The following EXD3 variants were observed in gnomAD, a reference collection of about 807,000 sequenced individuals.
The protein encoded by EXD3 is exonuclease 3'-5' domain containing 3.
In EXD3, 92 loss-of-function variants were observed where a neutral mutation model predicts 98.0. That is an observed-to-expected ratio of 0.94 (90% CI 0.79 to 1.12). The LOEUF (loss-of-function observed/expected upper bound fraction) is 1.12, where lower values mean the gene tolerates loss of function less well. EXD3 is among the 50% of genes most tolerant of loss of function. The pLI is 0.00. For missense variants in EXD3, 1,222 were observed against 1,191.6 expected, an observed-to-expected ratio of 1.03 and a Z score of -0.38; for synonymous variants, 569 against 526.0, an observed-to-expected ratio of 1.08 and a Z score of -1.12.
intron 12 of EXD3, among the ~76,000 whole-genome samples, 188 bp downstream of exon 12, chr9:137,351,878 C>T (rs1834325381): frequency 6.6e-6 from 1 of 152,228 alleles, no homozygotes; most frequent in African/African-American, 2.4e-5. Flanking sequence ...TAAATGCCAG[C>T]AGCCAGCATC....
chr9:137,373,879 G>A (rs185921156), intron 3 of EXD3, among the ~76,000 whole-genome samples: 150 of 152,370 alleles, frequency 9.8e-4, no homozygotes, highest in East Asian at 3.5e-3. Flanking sequence ...GGAGGCAACC[G>A]TAGCCCGAGC....
At chr9:137,374,907 T>G in intron 3 of EXD3, 4 of 960,706 alleles carry the variant, frequency 4.2e-6, no homozygotes, top group South Asian at 4.8e-5. Context: ...TAGTGAGATC[T>G]AGCTCTAGTG....
chr9:137,376,343 CAAAAAA>C (rs765888922), intron 3 of EXD3, among the ~76,000 whole-genome samples: 2 of 39,960 alleles, frequency 5.0e-5, no homozygotes, highest in African/African-American at 1.8e-4. Context: ...GACTCTGTCT[CAAAAAA>C]AAAAAAAAAA....
chr9:137,338,935 G>A (rs930954008), intron 17 of EXD3, among the ~76,000 whole-genome samples: 2 of 150,552 alleles, frequency 1.3e-5, no homozygotes, highest in Non-Finnish European at 3.0e-5. Context: ...ACATCTCTGC[G>A]AGAGCATGAG....
rs1832192858 is a variant in EXD3, at chr9:137,323,533, TGATCTGCCGACACCTCACCCCGGAC to T, written c.2184+167_2184+191del. On this transcript the variant is annotated intron_variant, in intron 19 of 21. Coordinates refer to ENST00000340951, the MANE Select transcript of EXD3 (RefSeq NM_017820.5). ...CACCTCACCCCGGACCCACGAGGGATGATCTGCCGACACCTCACCCCGGACCCACGAGGGATGCTCTGCCGACACC... is the reference window on the plus strand; with the variant it reads ...CACCTCACCCCGGACCCACGAGGGATCCACGAGGGATGCTCTGCCGACACC... 2.1e-5 allele frequency among the ~76,000 whole-genome samples: 2 copies of T among 94,662 alleles called. 1 individual carries two copies. Among genetic ancestry groups the T allele is most frequent in the African/African-American group, 1.3e-4 (2 of 15,272 alleles). The allele number at this position is 94,662 out of a possible 152,430, so 62.1% of individuals were successfully genotyped here.
chr9:137,339,371 A>G (rs1588293975), intron 17 of EXD3, among the ~76,000 whole-genome samples: 1 of 152,166 alleles, frequency 6.6e-6, no homozygotes, highest in African/African-American at 2.4e-5. Context: ...CCTAACAAAA[A>G]TCACAGACCA....
chr9:137,329,094 A>G (rs1243401347), intron 17 of EXD3, among the ~76,000 whole-genome samples: 141 of 13,314 alleles, frequency 0.011, no homozygotes, highest in South Asian at 0.014. Context: ...GCTACACGGG[A>G]CTACACGGGG....
chr9:137,358,046 C>T (rs566861832), intron 7 of EXD3, among the ~76,000 whole-genome samples: 4 of 152,218 alleles, frequency 2.6e-5, no homozygotes, highest in East Asian at 3.9e-4. Context: ...TCCACTCAGT[C>T]GGAGGTGAAT....
At position 137,373,574 on chromosome 9, in the gene EXD3, A is replaced by G; in HGVS notation, c.146T>C (p.Phe49Ser). The G allele has an allele frequency of 1.2e-6, 2 of 1,603,124 alleles. No individual in the cohort carries two copies. The highest frequency in any genetic ancestry group is 1.7e-6 in the Non-Finnish European group (2 of 1,175,732). ...KQLREEAWRGFAALDDPLAGL... is the reference protein window; with the variant it reads ...KQLREEAWRGSAALDDPLAGL... The stretch of plus-strand genomic sequence containing the variant: ...GGCCAGGGGGTCGTCCAAGGCAGCA[A>G]ACCCCCGCCAGGCTTCCTCCCGGAG... Residue 49 changes from phenylalanine (F) to serine (S), a missense_variant, in exon 4 of 22, where the codon TTT (phenylalanine) becomes TCT (serine). By Grantham distance (155) the Phe-to-Ser change is radical. Transcript: ENST00000340951.
chr9:137,352,555 C>A, intron 11 of EXD3, 65 bp downstream of exon 11: 1 of 1,422,222 alleles, frequency 7.0e-7, no homozygotes, highest in East Asian at 2.5e-5. Context: ...GAGCTGTCGT[C>A]CCAAGGGTAG....
Position 137,347,724 on chromosome 9 carries a change from A to G in EXD3, c.1998+347T>C, listed in dbSNP as rs542147741. ...CTCCCAAGGTGCTGGGATTATAGGCATGAGCCACTGCGTCCGGCCCCATTT... is the reference window on the plus strand; with the variant it reads ...CTCCCAAGGTGCTGGGATTATAGGCGTGAGCCACTGCGTCCGGCCCCATTT... On this transcript the variant is annotated intron_variant, in intron 17 of 21. Coordinates refer to ENST00000340951, the MANE Select transcript of EXD3 (RefSeq NM_017820.5). The surrounding 1 kb of genome is among the most constrained non-coding windows in gnomAD (Gnocchi z 4.2). Among the ~76,000 whole-genome samples, 5 of 152,266 alleles carry G rather than the reference A, an allele frequency of 3.3e-5. No homozygotes were observed. Among genetic ancestry groups the G allele is most frequent in the African/African-American group, 1.2e-4 (5 of 41,574 alleles).
chr9:137,327,822 A>G, intron 17 of EXD3, among the ~76,000 whole-genome samples: 1 of 150,318 alleles, frequency 6.7e-6, no homozygotes, highest in Non-Finnish European at 1.5e-5. Flanking sequence ...AACAACTAAT[A>G]TACACCCATA....
At chr9:137,376,363 A>G (rs994063083) in intron 3 of EXD3, among the ~76,000 whole-genome samples, 3 of 151,024 alleles carry the variant, frequency 2.0e-5, no homozygotes, top group African/African-American at 7.3e-5. Context: ...AAAAAAAAAA[A>G]AAAAAGAAAT....
In EXD3 at chr9:137,365,953, G is replaced by A. The variant is rs370050569; in HGVS notation, c.656+540C>T. The A allele has an allele frequency of 1.2e-3, 541 of 468,376 alleles. 5 individuals carry two copies. Among genetic ancestry groups the A allele is most frequent in the African/African-American group, 9.4e-3 (450 of 48,018 alleles). The allele number at this position is 468,376 out of a possible 1,614,324, so 29.0% of individuals were successfully genotyped here. ...CAGGCACACACAAACGTGCACACACGCACATATCACGTGCACACACAGAGA... is the reference window on the plus strand; with the variant it reads ...CAGGCACACACAAACGTGCACACACACACATATCACGTGCACACACAGAGA... On this transcript the variant is annotated intron_variant, in intron 7 of 21. Coordinates refer to ENST00000340951, the MANE Select transcript of EXD3 (RefSeq NM_017820.5).
chr9:137,349,122 G>T lies in EXD3; in HGVS notation c.1818C>A (p.Ala606=). Residue 606 remains alanine, a synonymous_variant, in exon 16 of 22, where the codon GCC becomes GCA. Coordinates refer to ENST00000340951, the MANE Select transcript of EXD3 (RefSeq NM_017820.5). This position sits in a 1 kb window ranked among gnomAD's most constrained non-coding sequence, Gnocchi z 7.4. ...PPGLQKASAP[A]APRQVPVAVA... is the part of the protein sequence containing the mutation. ...GGGCTTCACCCACCTGCCTGGGTGCGGCCGGTGCTGACGCTTTCTGCAGGC... is the reference window on the plus strand; with the variant it reads ...GGGCTTCACCCACCTGCCTGGGTGCTGCCGGTGCTGACGCTTTCTGCAGGC... 6.3e-7 allele frequency: 1 copy of T among 1,597,322 alleles called. No individual in the cohort carries two copies. The highest frequency in any genetic ancestry group is 1.1e-5 in the South Asian group (1 of 90,594).
chr9:137,402,094 C>A (rs1564211413), intron 1 of EXD3, among the ~76,000 whole-genome samples: 1 of 152,116 alleles, frequency 6.6e-6, no homozygotes, highest in Admixed American at 6.6e-5. Flanking sequence ...CGGCTCACTG[C>A]AACCTCTGCC....
intron 17 of EXD3, among the ~76,000 whole-genome samples, chr9:137,326,658 G>A (rs1832419134): frequency 6.6e-6 from 1 of 152,170 alleles, no homozygotes; most frequent in Non-Finnish European, 1.5e-5. Flanking sequence ...ACCACAGTGA[G>A]ACATCACATC....
chr9:137,411,790 G>A (rs1488781001), intron 1 of EXD3, among the ~76,000 whole-genome samples: 1 of 151,818 alleles, frequency 6.6e-6, no homozygotes, highest in Non-Finnish European at 1.5e-5. Flanking sequence ...CTGTGGCCGC[G>A]GTGCACAATG....
chr9:137,364,033 T>C (rs1019920476), intron 7 of EXD3, among the ~76,000 whole-genome samples: 22 of 152,168 alleles, frequency 1.4e-4, no homozygotes, highest in African/African-American at 5.1e-4. Context: ...AATATGGTGA[T>C]TTTTCATTTT....
Sources: allele counts gnomAD v4.1 joint callset (sites outside exome capture counted in the v4.1 genomes callset), GRCh38; gene constraint gnomAD v4.1.1; non-coding constraint Gnocchi (gnomAD v3.1); transcripts MANE v1.5; gene names NCBI Gene and HGNC (gene_info 2026-07-23, HGNC 2026-07-21).